Variants in KAT2B observed in about 807,000 individuals in gnomAD.
The protein encoded by KAT2B is lysine acetyltransferase 2B.
KAT2B carries 36 observed loss-of-function variants against 105.9 expected under a neutral mutation model. The ratio of observed to expected loss-of-function variants is 0.34; its 90% CI spans 0.26 to 0.45. The LOEUF (loss-of-function observed/expected upper bound fraction) is 0.45, where lower values mean the gene tolerates loss of function less well. KAT2B is among the 20% of genes least tolerant of loss of function. The pLI is 1.00. For synonymous variants in KAT2B, 397 were observed against 377.9 expected, an observed-to-expected ratio of 1.05 and a Z score of -0.59; for missense variants, 820 against 1,021.6, an observed-to-expected ratio of 0.80 and a Z score of 2.69.
chr3:20,122,363 C>G lies in KAT2B; in HGVS notation c.1277-305C>G, dbSNP rs143397346. Among the ~76,000 whole-genome samples the G allele has an allele frequency of 2.7e-3, 407 of 152,248 alleles. 8 individuals carry two copies. Among genetic ancestry groups the G allele is most frequent in the East Asian group, 0.022 (113 of 5,174 alleles). ...CTTGAAGAGACTATATTAGAGAGTA[C>G]TAACAAACAATAGCTAGAATCACCC... On this transcript the variant is annotated intron_variant, in intron 8 of 17. Transcript: ENST00000263754.
chr3:20,122,858 C>A, intron 9 of KAT2B, 54 bp downstream of exon 9: 1 of 1,554,770 alleles, frequency 6.4e-7, no homozygotes, highest in East Asian at 2.3e-5. Flanking sequence ...GCTCTCCTGG[C>A]CACTCCAGCT....
At chr3:20,051,394 C>A (rs1697914140) in intron 1 of KAT2B, among the ~76,000 whole-genome samples, 1 of 152,084 alleles carries the variant, frequency 6.6e-6, no homozygotes, top group Non-Finnish European at 1.5e-5. Flanking sequence ...TTGGTGAGTC[C>A]TTACTGGTAA....
At chr3:20,097,882 CAT>C (rs1468850026) in intron 3 of KAT2B, among the ~76,000 whole-genome samples, 4 of 151,644 alleles carry the variant, frequency 2.6e-5, no homozygotes, top group Non-Finnish European at 5.9e-5. Context: ...TCCTGTGTCT[CAT>C]GTGTCAATAA....
At chr3:20,121,433 T>C (rs571860888) in intron 8 of KAT2B, among the ~76,000 whole-genome samples, 2 of 152,134 alleles carry the variant, frequency 1.3e-5, no homozygotes, top group African/African-American at 4.8e-5. Context: ...AACATGAGAA[T>C]AGAAAGGAGA....
chr3:20,046,072 A>G (rs1479739308), intron 1 of KAT2B, among the ~76,000 whole-genome samples: 1 of 152,212 alleles, frequency 6.6e-6, no homozygotes, highest in Non-Finnish European at 1.5e-5. Flanking sequence ...CATGACTTCA[A>G]CCTTAAAGTT....
At chr3:20,089,558 G>A (rs551011066) in intron 2 of KAT2B, among the ~76,000 whole-genome samples, 1 of 152,002 alleles carries the variant, frequency 6.6e-6, no homozygotes, top group Non-Finnish European at 1.5e-5. Context: ...GCGCCACCAT[G>A]CCCGGCTAAT....
chr3:20,086,939 G>T (rs920594265), intron 2 of KAT2B, among the ~76,000 whole-genome samples: 1 of 145,896 alleles, frequency 6.9e-6, no homozygotes. Context: ...GTGCCCCCAT[G>T]CCTGGATAAT....
At chr3:20,045,925 C>A (rs1005282094) in intron 1 of KAT2B, among the ~76,000 whole-genome samples, 1 of 152,176 alleles carries the variant, frequency 6.6e-6, no homozygotes, top group Non-Finnish European at 1.5e-5. Context: ...GTAGGGGAGA[C>A]GCTGTTAACT....
At chr3:20,096,730 G>T (rs1318791772) in intron 3 of KAT2B, among the ~76,000 whole-genome samples, 1 of 152,080 alleles carries the variant, frequency 6.6e-6, no homozygotes, top group African/African-American at 2.4e-5. Context: ...GAATCTTAGT[G>T]CAAATTTTGT....
chr3:20,049,850 C>T (rs951969874), intron 1 of KAT2B, among the ~76,000 whole-genome samples: 18 of 152,168 alleles, frequency 1.2e-4, no homozygotes, highest in African/African-American at 4.1e-4. Context: ...GACACCTACT[C>T]AGGCTATAGA....
intron 2 of KAT2B, among the ~76,000 whole-genome samples, chr3:20,079,242 T>C (rs375887576): frequency 1.5e-4 from 20 of 133,768 alleles, no homozygotes; most frequent in African/African-American, 5.6e-4. Flanking sequence ...TCTGGCTCTG[T>C]CACCCAGGCT....
chr3:20,053,761 G>T (rs1440035827), intron 1 of KAT2B, among the ~76,000 whole-genome samples: 1 of 151,980 alleles, frequency 6.6e-6, no homozygotes, highest in South Asian at 2.1e-4. Flanking sequence ...TTCTTTAATT[G>T]TTCCTTTACC....
intron 13 of KAT2B, 142 bp from the exon 14 acceptor site, chr3:20,146,174 G>A: frequency 1.6e-6 from 1 of 621,728 alleles, no homozygotes; most frequent in African/African-American, 1.8e-5. Context: ...TTTCTTACTT[G>A]TTAAATAGCA....
intron 1 of KAT2B, among the ~76,000 whole-genome samples, chr3:20,057,613 C>CTG (rs1698023329): frequency 6.6e-6 from 1 of 152,236 alleles, no homozygotes; most frequent in Admixed American, 6.5e-5. Context: ...CTGATAAATT[C>CTG]TGTGTGTGTG....
intron 13 of KAT2B, among the ~76,000 whole-genome samples, chr3:20,140,801 T>C (rs1003023108): frequency 2.6e-5 from 4 of 152,176 alleles, no homozygotes; most frequent in African/African-American, 9.7e-5. Flanking sequence ...CATAGATTTC[T>C]TTAAAGGTAT....
chr3:20,111,922 C>T (rs945147972), intron 6 of KAT2B, 135 bp downstream of exon 6: 3 of 699,856 alleles, frequency 4.3e-6, no homozygotes, highest in South Asian at 1.9e-5. Flanking sequence ...AAAAGACCCT[C>T]AGTTCCCTTT....
At chr3:20,066,563 T>A (rs1698226050) in intron 1 of KAT2B, among the ~76,000 whole-genome samples, 1 of 152,048 alleles carries the variant, frequency 6.6e-6, no homozygotes, top group African/African-American at 2.4e-5. Context: ...TATGCCTGGC[T>A]AATTTTTGTG....
chr3:20,047,327 C>T (rs1015709677), intron 1 of KAT2B, among the ~76,000 whole-genome samples: 1 of 152,148 alleles, frequency 6.6e-6, no homozygotes, highest in African/African-American at 2.4e-5. Flanking sequence ...CTGCCTTGGC[C>T]TTCCAAAGTG....
At chr3:20,059,304 C>G (rs1395476163) in intron 1 of KAT2B, among the ~76,000 whole-genome samples, 1 of 150,246 alleles carries the variant, frequency 6.7e-6, no homozygotes, top group African/African-American at 2.5e-5. Flanking sequence ...GTCCCAGCTA[C>G]TCGGGAGGCT....
Sources: gnomAD v4.1 joint callset for allele counts (sites outside exome capture counted in the v4.1 genomes callset) on GRCh38, gnomAD v4.1.1 for gene constraint, MANE v1.5 for transcripts, NCBI Gene and HGNC (gene_info 2026-07-23, HGNC 2026-07-21) for gene names.